CDH13: variants seen among roughly 807,000 people sequenced by gnomAD.
CDH13 encodes the protein cadherin-13.
In CDH13, 24 loss-of-function variants were observed where a neutral mutation model predicts 63.8. The observed-to-expected ratio is 0.38, with a 90% CI of 0.27 to 0.53. The LOEUF is 0.53. CDH13 is among the 20% of genes least tolerant of loss of function. The pLI is 0.85. For missense variants in CDH13, 1,049 were observed against 903.1 expected (o/e 1.16, Z -2.07); for synonymous variants, 503 against 355.3 (o/e 1.42, Z -4.67).
intron 1 of CDH13, among the ~76,000 whole-genome samples, chr16:82,774,354 G>C (rs905204183): frequency 6.9e-6 from 1 of 145,884 alleles, no homozygotes; most frequent in African/African-American, 2.6e-5. Flanking sequence ...TACATGGCTT[G>C]GTTTCCCCAT....
chr16:82,877,620 C>T (rs115078055), intron 2 of CDH13, among the ~76,000 whole-genome samples: 1,679 of 152,118 alleles, frequency 0.011, 42 homozygotes, highest in African/African-American at 0.039. Context: ...TTGGGAAATT[C>T]TGTTTTGTTT....
intron 6 of CDH13, among the ~76,000 whole-genome samples, chr16:83,435,631 G>A (rs566907338): frequency 6.6e-6 from 1 of 152,242 alleles, no homozygotes; most frequent in East Asian, 1.9e-4. Flanking sequence ...TGTTCTCTCT[G>A]TCTGAGTTGC....
intron 6 of CDH13, among the ~76,000 whole-genome samples, chr16:83,419,742 G>A (rs2071659986): frequency 6.6e-6 from 1 of 152,282 alleles, no homozygotes; most frequent in South Asian, 2.1e-4. Context: ...TGGCATTGTG[G>A]TTATATACTA....
intron 4 of CDH13, among the ~76,000 whole-genome samples, chr16:83,143,913 C>T (rs1567873038): frequency 6.6e-6 from 1 of 152,142 alleles, no homozygotes; most frequent in East Asian, 1.9e-4. Flanking sequence ...AGGCGTGTCC[C>T]AGTCCTGTGG....
chr16:83,669,007 T>C (rs1458813622), intron 8 of CDH13, among the ~76,000 whole-genome samples: 1 of 152,216 alleles, frequency 6.6e-6, no homozygotes, highest in Non-Finnish European at 1.5e-5. Context: ...TCTATCCTGC[T>C]TCTTGCCCCG....
chr16:82,988,178 T>C (rs867891717), intron 2 of CDH13, among the ~76,000 whole-genome samples: 2 of 152,208 alleles, frequency 1.3e-5, no homozygotes, highest in Non-Finnish European at 2.9e-5. Flanking sequence ...GTGGTGTGTG[T>C]ATGTGCACAT....
chr16:82,630,694 T>G (rs889897920), intron 1 of CDH13, among the ~76,000 whole-genome samples: 3 of 152,232 alleles, frequency 2.0e-5, no homozygotes, highest in Non-Finnish European at 4.4e-5. Flanking sequence ...CATCCTTATT[T>G]CCTTCCAAAA....
chr16:83,576,158 ACTT>A (rs1364838652), intron 7 of CDH13, among the ~76,000 whole-genome samples: 1 of 152,164 alleles, frequency 6.6e-6, no homozygotes, highest in Non-Finnish European at 1.5e-5. Context: ...AGCCTCTCCC[ACTT>A]CTTCCTCCCT....
At chr16:83,778,415 A>G (rs1915270495) in intron 11 of CDH13, among the ~76,000 whole-genome samples, 1 of 152,062 alleles carries the variant, frequency 6.6e-6, no homozygotes, top group Admixed American at 6.6e-5. Flanking sequence ...CTGTAATCCC[A>G]GCTACTTGGG....
chr16:82,659,070 A>G (rs1362320328), intron 1 of CDH13, among the ~76,000 whole-genome samples: 1 of 152,206 alleles, frequency 6.6e-6, no homozygotes, highest in East Asian at 1.9e-4. Flanking sequence ...GATGTGGGGC[A>G]GGTAATATGC....
rs148085763 is a variant in CDH13 at position 83,180,126 on chromosome 16, G to A, written c.484-37219G>A. On this transcript the variant is annotated intron_variant, in intron 4 of 13. Transcript: ENST00000567109. ...TTTAAATTTCATTGGTTTAATTGTC[G>A]TTTAAAAGTAAGGTTTTTTTTGTTG... 2.9e-3 allele frequency among the ~76,000 whole-genome samples: 438 copies of A among 150,404 alleles called. 1 individual carries two copies. The highest frequency in any genetic ancestry group is 9.2e-3 in the African/African-American group (369 of 40,190).
chr16:82,675,765 C>T (rs3859082), intron 1 of CDH13, among the ~76,000 whole-genome samples: 122,114 of 152,120 alleles, frequency 0.8, 49,136 homozygotes, highest in South Asian at 0.85. Flanking sequence ...TATATCCAGT[C>T]CAGCCTTTGT....
chr16:83,621,955 T>A (rs144316757), intron 8 of CDH13, among the ~76,000 whole-genome samples: 23 of 152,306 alleles, frequency 1.5e-4, no homozygotes, highest in African/African-American at 5.5e-4. Context: ...CTTCTTTCAA[T>A]AGCCAGTGAA....
chr16:83,527,220 C>A (rs1018491630), intron 7 of CDH13, among the ~76,000 whole-genome samples: 2 of 152,194 alleles, frequency 1.3e-5, no homozygotes, highest in Admixed American at 6.5e-5. Flanking sequence ...GAGGCTGAGG[C>A]AGGCAGATCA....
chr16:83,084,097 T>C (rs923985636), intron 3 of CDH13, among the ~76,000 whole-genome samples: 10 of 152,202 alleles, frequency 6.6e-5, no homozygotes, highest in Non-Finnish European at 1.3e-4. Context: ...CAAAAACCAA[T>C]TTTCAGAAGT....
chr16:83,385,961 A>G (rs1280229449), intron 6 of CDH13, among the ~76,000 whole-genome samples: 2 of 152,214 alleles, frequency 1.3e-5, no homozygotes, highest in African/African-American at 4.8e-5. Flanking sequence ...AATATGAACT[A>G]TGACCATAGC....
At chr16:83,553,782 C>A (rs2075554088) in intron 7 of CDH13, among the ~76,000 whole-genome samples, 2 of 152,222 alleles carry the variant, frequency 1.3e-5, no homozygotes, top group South Asian at 4.1e-4. Context: ...GTCTTGAACT[C>A]CTGACCTCAG....
chr16:83,787,398 G>C lies in CDH13; in HGVS notation c.2134+3926G>C, dbSNP rs1017921870. The stretch of plus-strand genomic sequence containing the variant: ...GGAGCTATCCAAACACGGACTTGAG[G>C]TTAGAGTCAGCCCACAGCGTTCCTT... On this transcript the variant is annotated intron_variant, in intron 13 of 13. Transcript: ENST00000567109. Among the ~76,000 whole-genome samples, 6 of 152,272 alleles carry C rather than the reference G, an allele frequency of 3.9e-5. No individual in the cohort carries two copies. The East Asian group carries it at 1.2e-3, about 29-fold the overall frequency.
At chr16:83,407,562 T>C (rs2092066198) in intron 6 of CDH13, among the ~76,000 whole-genome samples, 2 of 152,376 alleles carry the variant, frequency 1.3e-5, no homozygotes, top group Non-Finnish European at 2.9e-5. Context: ...ATGTAGTGAT[T>C]CATTAATCTC....
Sources: gnomAD v4.1 joint callset for allele counts (sites outside exome capture counted in the v4.1 genomes callset) on GRCh38, gnomAD v4.1.1 for gene constraint, MANE v1.5 for transcripts, NCBI Gene and HGNC (gene_info 2026-07-23, HGNC 2026-07-21) for gene names.